The following AP3B2 variants were observed in gnomAD, a reference collection of about 807,000 sequenced individuals.
AP3B2 encodes the protein adaptor related protein complex 3 subunit beta 2, also known as AP-3 complex subunit beta-2.
Under a neutral mutation model 126.9 loss-of-function variants are expected in AP3B2, and 50 were observed. The observed-to-expected ratio is 0.39, with a 90% CI of 0.31 to 0.50. The LOEUF (loss-of-function observed/expected upper bound fraction) is 0.50, where lower values mean the gene tolerates loss of function less well. Among genes scored for constraint, AP3B2 ranks in the 20% least tolerant of loss-of-function variants. The probability of loss-of-function intolerance (pLI) is 0.79; values close to 1 mark genes in which losing one functional copy is unlikely to be tolerated. For missense variants in AP3B2, 1,177 were observed against 1,426.4 expected, an observed-to-expected ratio of 0.83 and a Z score of 2.82; for synonymous variants, 541 against 565.0, an observed-to-expected ratio of 0.96 and a Z score of 0.60.
chr15:82,664,240 C>A lies in AP3B2; in HGVS notation c.2261+127G>T. On this transcript the variant is annotated intron_variant, in intron 19 of 26. Coordinates refer to ENST00000535359, the MANE Select transcript of AP3B2 (RefSeq NM_001278512.2). This position sits in a 1 kb window ranked among gnomAD's most constrained non-coding sequence, Gnocchi z 4.5. Reference sequence around the variant, plus strand: ...CCAGCGAAAGTAGGCGTCATGTGAGCTGACAGCCCCACCCAGCTCACGAGG... The same window carrying A: ...CCAGCGAAAGTAGGCGTCATGTGAGATGACAGCCCCACCCAGCTCACGAGG... 1 of 1,468,460 alleles carries A rather than the reference C, an allele frequency of 6.8e-7. No individual in the cohort carries two copies. Among genetic ancestry groups the A allele is most frequent in the Non-Finnish European group, 9.2e-7 (1 of 1,085,476 alleles). The allele number at this position is 1,468,460 out of a possible 1,614,324, so 91.0% of individuals were successfully genotyped here.
chr15:82,696,253 A>C (rs1470161932), intron 1 of AP3B2, among the ~76,000 whole-genome samples: 1 of 152,166 alleles, frequency 6.6e-6, no homozygotes, highest in East Asian at 1.9e-4. Context: ...AAAAGGAAAA[A>C]TATTTGGGAT....
intron 14 of AP3B2, among the ~76,000 whole-genome samples, chr15:82,673,329 C>T (rs2048188944): frequency 6.6e-6 from 1 of 152,186 alleles, no homozygotes; most frequent in Admixed American, 6.5e-5. Context: ...ATTCTCCTGC[C>T]ACAGCCTCCC....
At chr15:82,671,016 G>T (rs1239329765) in intron 14 of AP3B2, among the ~76,000 whole-genome samples, 5 of 152,212 alleles carry the variant, frequency 3.3e-5, no homozygotes, top group Admixed American at 6.5e-5. Context: ...GGCACGGGTG[G>T]CTCATGCCTG....
intron 1 of AP3B2, chr15:82,691,951 A>G (rs1429290293): frequency 2.1e-5 from 29 of 1,398,490 alleles, no homozygotes; most frequent in Non-Finnish European, 2.8e-5. Flanking sequence ...CCATCCCCAC[A>G]CCGTCCTTCT....
chr15:82,698,527 A>G (rs1337505582), intron 1 of AP3B2, among the ~76,000 whole-genome samples: 3 of 151,836 alleles, frequency 2.0e-5, no homozygotes, highest in African/African-American at 7.3e-5. Flanking sequence ...TCTAATACAC[A>G]GATAACTTGG....
chr15:82,704,057 G>A lies in AP3B2; in HGVS notation c.113+5537C>T, dbSNP rs1167549287. 2.6e-5 allele frequency among the ~76,000 whole-genome samples: 4 copies of A among 152,250 alleles called. No homozygotes were observed. In the East Asian group the frequency reaches 7.7e-4, roughly 29 times the overall value. On this transcript the variant is annotated intron_variant, in intron 1 of 26. Coordinates refer to ENST00000535359, the MANE Select transcript of AP3B2 (RefSeq NM_001278512.2). ...CCCAACAATTTCCTCTTAAAGAGGT[G>A]GCTGGAGCTAAAGGCATAGTCAAGG...
chr15:82,676,857 C>T (rs2048250989), intron 13 of AP3B2, among the ~76,000 whole-genome samples: 1 of 152,206 alleles, frequency 6.6e-6, no homozygotes, highest in Admixed American at 6.5e-5. Flanking sequence ...TAGCATAGAG[C>T]TTTCAAGACC....
In AP3B2 at chr15:82,681,300, C is replaced by A; in HGVS notation, c.521+120G>T. ...TGTTCTCCTCCATCTCTGTCAGTCC[C>A]CCAAACTACCCTCCTCAAACCCTCT... On this transcript the variant is annotated intron_variant, in intron 5 of 26. Transcript: ENST00000535359. This position sits in a 1 kb window ranked among gnomAD's most constrained non-coding sequence, Gnocchi z 4.0. The A allele has an allele frequency of 6.5e-7, 1 of 1,526,854 alleles. No homozygotes were observed. 94.6% of individuals were successfully genotyped at this position (1,526,854 alleles called of 1,614,324 possible).
rs145612882 is a variant in AP3B2, at chr15:82,660,239, C to T, written c.3017-256G>A. Among the ~76,000 whole-genome samples the T allele has an allele frequency of 4.3e-3, 654 of 152,288 alleles. 3 individuals carry two copies. Among genetic ancestry groups the T allele is most frequent in the Non-Finnish European group, 6.1e-3 (415 of 68,024 alleles). ...GTTGTTACCAAAGACTGATTTGGCGCTTCCTCCATCAGACATCTGGGCTAC... is the reference window on the plus strand; with the variant it reads ...GTTGTTACCAAAGACTGATTTGGCGTTTCCTCCATCAGACATCTGGGCTAC... On this transcript the variant is annotated intron_variant, in intron 25 of 26. Transcript: ENST00000535359.
intron 14 of AP3B2, 30 bp from the exon 15 acceptor site, chr15:82,666,963 G>A (rs758922866): frequency 4.4e-6 from 7 of 1,594,222 alleles, no homozygotes; most frequent in Middle Eastern, 1.7e-4. Flanking sequence ...TGGGTCAGCT[G>A]ACGGGGGGAT....
At chr15:82,708,089 A>G (rs1325567702) in intron 1 of AP3B2, among the ~76,000 whole-genome samples, 3 of 152,242 alleles carry the variant, frequency 2.0e-5, no homozygotes, top group Non-Finnish European at 4.4e-5. Context: ...ATACATCCAG[A>G]TGGCCTGAAG....
Position 82,666,365 on chromosome 15 carries a change from A to C in AP3B2, c.1852+382T>G, listed in dbSNP as rs139202979. Among the ~76,000 whole-genome samples the C allele has an allele frequency of 6.9e-3, 1,056 of 152,336 alleles. 5 individuals are homozygous for C. Among genetic ancestry groups the C allele is most frequent in the Non-Finnish European group, 9.6e-3 (654 of 68,024 alleles). ...AGGCAACTGCTTTCTCAGGACCTTT[A>C]TAAAAATATACACCTCTCCTTTGTG... On this transcript the variant is annotated intron_variant, in intron 15 of 26. Coordinates refer to ENST00000535359, the MANE Select transcript of AP3B2 (RefSeq NM_001278512.2).
chr15:82,683,636 A>C (rs2048380850), intron 4 of AP3B2, among the ~76,000 whole-genome samples: 1 of 152,134 alleles, frequency 6.6e-6, no homozygotes, highest in East Asian at 1.9e-4. Flanking sequence ...AATGTTCCTA[A>C]TGGCATCTAT....
At chr15:82,703,457 A>G (rs1278706478) in intron 1 of AP3B2, among the ~76,000 whole-genome samples, 4 of 151,820 alleles carry the variant, frequency 2.6e-5, no homozygotes, top group Admixed American at 1.3e-4. Flanking sequence ...ACTGTGGGCA[A>G]CATTCCACCC....
chr15:82,684,369 A>G (rs1317820982), intron 4 of AP3B2, among the ~76,000 whole-genome samples: 1 of 152,070 alleles, frequency 6.6e-6, no homozygotes, highest in Non-Finnish European at 1.5e-5. Context: ...CTGTACTTAA[A>G]CTTCATGAAC....
intron 4 of AP3B2, chr15:82,686,497 A>G (rs2048428966): frequency 6.6e-6 from 1 of 152,252 alleles, no homozygotes; most frequent in Admixed American, 6.5e-5. Context: ...TAGCACAGGA[A>G]TAAATACATA....
chr15:82,663,762 G>C (rs1337780840), intron 20 of AP3B2, 39 bp downstream of exon 20: 3 of 1,601,384 alleles, frequency 1.9e-6, no homozygotes. Context: ...GAGGGCCCTG[G>C]CCCATGAGCA....
Position 82,664,869 on chromosome 15 carries a change from C to T in AP3B2, c.2103G>A (p.Glu701=), listed in dbSNP as rs777880981. ...CGGACTCCGTGGGGCCTGACTCCCC[C>T]TCAGAGTCCGAGTAGAAGGGTTTTT... The part of the protein sequence containing the change: ...EKEKPFYSDS[E]GESGPTESAD... Residue 701 remains glutamate (E), a synonymous_variant, in exon 18 of 27, where the codon GAG becomes GAA. Coordinates refer to ENST00000535359, the MANE Select transcript of AP3B2 (RefSeq NM_001278512.2). This position sits in a 1 kb window ranked among gnomAD's most constrained non-coding sequence, Gnocchi z 4.5. 1.9e-6 allele frequency: 3 copies of T among 1,602,984 alleles called. No individual in the cohort carries two copies. The highest frequency in any genetic ancestry group is 2.2e-5 in the East Asian group (1 of 44,582).
intron 25 of AP3B2, 24 bp from the exon 26 acceptor site, chr15:82,660,007 G>A (rs1211130773): frequency 6.2e-7 from 1 of 1,612,456 alleles, no homozygotes; most frequent in Admixed American, 1.7e-5. Flanking sequence ...TCGTGATGAG[G>A]GCAGAGGCCA....
Sources: gnomAD v4.1 joint callset for allele counts (sites outside exome capture counted in the v4.1 genomes callset) on GRCh38, gnomAD v4.1.1 for gene constraint, Gnocchi (gnomAD v3.1) non-coding constraint, MANE v1.5 for transcripts, NCBI Gene and HGNC (gene_info 2026-07-23, HGNC 2026-07-21) for gene names.